GRK4: variants seen among roughly 807,000 people sequenced by gnomAD.
GRK4 encodes G protein-coupled receptor kinase 2-like.
Under a neutral mutation model 77.9 loss-of-function variants are expected in GRK4, and 73 were observed. That is an observed-to-expected ratio of 0.94 (90% confidence interval 0.78 to 1.14). The LOEUF is 1.14. Among genes scored for constraint, GRK4 ranks in the 50% most tolerant of loss-of-function variants. The pLI is 0.00. For synonymous variants in GRK4, 257 were observed against 254.4 expected (o/e 1.01, Z -0.10); for missense variants, 729 against 700.2 (o/e 1.04, Z -0.46).
At chr4:3,024,942 C>T (rs1171556249) in intron 10 of GRK4, among the ~76,000 whole-genome samples, 2 of 152,120 alleles carry the variant, frequency 1.3e-5, no homozygotes, top group Admixed American at 1.3e-4. Flanking sequence ...AGCAAAAGTT[C>T]TTTGGTTCTA....
chr4:2,967,432 A>G (rs1718048328), intron 1 of GRK4, among the ~76,000 whole-genome samples: 1 of 152,098 alleles, frequency 6.6e-6, no homozygotes, highest in African/African-American at 2.4e-5. Flanking sequence ...ACAGAGTCTC[A>G]CTCTGTCACC....
intron 3 of GRK4, among the ~76,000 whole-genome samples, chr4:2,989,822 G>C (rs1009157375): frequency 3.3e-5 from 5 of 152,200 alleles, no homozygotes; most frequent in African/African-American, 1.2e-4. Context: ...TATAGGTAAA[G>C]AAACTTTATG....
intron 1 of GRK4, among the ~76,000 whole-genome samples, chr4:2,983,794 G>C (rs192713414): frequency 2.0e-5 from 3 of 152,254 alleles, no homozygotes; most frequent in Admixed American, 2.0e-4. Flanking sequence ...AAATAAAAGA[G>C]GTTTAATTGA....
At chr4:3,021,588 T>C (rs1345620896) in intron 9 of GRK4, among the ~76,000 whole-genome samples, 1 of 151,908 alleles carries the variant, frequency 6.6e-6, no homozygotes, top group African/African-American at 2.4e-5. Flanking sequence ...GAGCAAGGGG[T>C]GGATTGCTGC....
chr4:2,967,845 C>T (rs1160999588), intron 1 of GRK4, among the ~76,000 whole-genome samples: 2 of 151,758 alleles, frequency 1.3e-5, no homozygotes, highest in African/African-American at 2.4e-5. Context: ...AGTGCAATGG[C>T]GCAATCGTGA....
chr4:3,013,246 G>A (rs548649787), intron 7 of GRK4, among the ~76,000 whole-genome samples: 14 of 152,000 alleles, frequency 9.2e-5, no homozygotes, highest in African/African-American at 3.4e-4. Flanking sequence ...GAGACGGGGT[G>A]TCGCCATGTT....
intron 2 of GRK4, among the ~76,000 whole-genome samples, chr4:2,986,352 A>ATTTTTTTTT (rs1560381271): frequency 1.5e-4 from 11 of 73,980 alleles, no homozygotes; most frequent in African/African-American, 5.7e-4. Context: ...AAAAGGTGTT[A>ATTTTTTTTT]TCTTTTTTTT....
intron 1 of GRK4, among the ~76,000 whole-genome samples, chr4:2,964,668 CA>C (rs1439014643): frequency 6.6e-6 from 1 of 152,154 alleles, no homozygotes; most frequent in African/African-American, 2.4e-5. Context: ...GACGTGGTCA[CA>C]GATGGACAAG....
chr4:3,022,283 C>T (rs977667236), intron 9 of GRK4, 131 bp from the exon 10 acceptor site: 11 of 723,034 alleles, frequency 1.5e-5, no homozygotes, highest in East Asian at 7.7e-5. Flanking sequence ...GCCTGTTTGC[C>T]GTGGCTCATG....
chr4:2,987,640 A>G (rs1331512988), intron 2 of GRK4, among the ~76,000 whole-genome samples: 1 of 152,092 alleles, frequency 6.6e-6, no homozygotes, highest in African/African-American at 2.4e-5. Flanking sequence ...TTGTGTATGT[A>G]CTCAGAAGCA....
chr4:2,965,319 C>G, intron 1 of GRK4: 3 of 703,054 alleles, frequency 4.3e-6, no homozygotes, highest in Non-Finnish European at 7.8e-6. Flanking sequence ...CTGTGCAATC[C>G]TCTGTCTCGG....
chr4:2,975,967 A>G (rs532166083), intron 1 of GRK4, among the ~76,000 whole-genome samples: 2 of 152,312 alleles, frequency 1.3e-5, no homozygotes, highest in Non-Finnish European at 1.5e-5. Context: ...GGAGAGATAC[A>G]TAGTAGCCAA....
intron 4 of GRK4, among the ~76,000 whole-genome samples, chr4:3,003,551 C>T (rs901878105): frequency 3.3e-5 from 5 of 152,028 alleles, no homozygotes; most frequent in African/African-American, 1.2e-4. Context: ...TAGCGTATTT[C>T]AGAATTTCCT....
In GRK4 at chr4:3,040,475, A is replaced by AC. The variant is rs996671853; in HGVS notation, c.1684-91dup. On this transcript the variant is annotated intron_variant, in intron 15 of 15. Coordinates refer to ENST00000398052, the MANE Select transcript of GRK4 (RefSeq NM_182982.3). The stretch of plus-strand genomic sequence containing the variant: ...ATAAATAAATAAAAAATAAAAAAGC[A>AC]CCCCCCACCCAAAAGTTTGTAAATG... The AC allele has an allele frequency of 3.3e-5, 27 of 828,998 alleles. 1 individual carries two copies. In the South Asian group the frequency reaches 3.6e-4, roughly 11 times the overall value. 51.4% of individuals were successfully genotyped at this position (828,998 alleles called of 1,614,324 possible). A position where few individuals can be genotyped will look rare whatever the true frequency, so the allele number is the denominator to read the frequency against.
chr4:3,001,291 A>G (rs1243822568), intron 4 of GRK4, among the ~76,000 whole-genome samples: 2 of 146,614 alleles, frequency 1.4e-5, no homozygotes, highest in Non-Finnish European at 3.0e-5. Flanking sequence ...GTATACACAT[A>G]CATATATATG....
In GRK4 at chr4:3,029,211, T is replaced by A. The variant is rs1289339798; in HGVS notation, c.1071T>A (p.Val357=). ...GTATTTGTTATGTAGCACCTGAAGT[T>A]GTCAATAATGAAAAGTATACGTTTA... ...VGTVGYMAPE[V]VNNEKYTFSP... is the part of the protein sequence containing the mutation. Residue 357 remains valine, a synonymous_variant, in exon 12 of 16, where the codon GTT becomes GTA. Coordinates refer to ENST00000398052, the MANE Select transcript of GRK4 (RefSeq NM_182982.3). The A allele has an allele frequency of 6.2e-7, 1 of 1,611,106 alleles. No homozygotes were observed.
At chr4:3,030,232 C>T (rs1046025774) in intron 12 of GRK4, among the ~76,000 whole-genome samples, 4 of 151,984 alleles carry the variant, frequency 2.6e-5, no homozygotes, top group African/African-American at 9.7e-5. Flanking sequence ...GTGGCACCCG[C>T]GAGTCACAGC....
At chr4:3,001,493 A>C (rs1384929322) in intron 4 of GRK4, among the ~76,000 whole-genome samples, 3 of 151,198 alleles carry the variant, frequency 2.0e-5, no homozygotes, top group African/African-American at 7.3e-5. Flanking sequence ...CAGCCTCCTG[A>C]GTAGCTGAGA....
chr4:2,981,792 C>A (rs1455100776), intron 1 of GRK4, among the ~76,000 whole-genome samples: 1 of 152,228 alleles, frequency 6.6e-6, no homozygotes, highest in Non-Finnish European at 1.5e-5. Flanking sequence ...CCCCTTTCTA[C>A]CCAGGAGCCT....
Sources: gnomAD v4.1 joint callset for allele counts (sites outside exome capture counted in the v4.1 genomes callset) on GRCh38, gnomAD v4.1.1 for gene constraint, MANE v1.5 for transcripts, NCBI Gene and HGNC (gene_info 2026-07-23, HGNC 2026-07-21) for gene names.